The following ST8SIA4 variants were observed in gnomAD, a reference collection of about 807,000 sequenced individuals.
ST8SIA4 encodes CMP-N-acetylneuraminate-poly-alpha-2,8-sialyltransferase.
In ST8SIA4, 15 loss-of-function variants were observed where a neutral mutation model predicts 33.9. The ratio of observed to expected loss-of-function variants is 0.44; its 90% CI spans 0.30 to 0.68. The LOEUF (loss-of-function observed/expected upper bound fraction) is 0.68. Among genes scored for constraint, ST8SIA4 ranks in the 30% least tolerant of loss-of-function variants. The pLI is 0.10. For synonymous variants in ST8SIA4, 171 were observed against 151.2 expected, an observed-to-expected ratio of 1.13 and a Z score of -0.96; for missense variants, 321 against 428.0, an observed-to-expected ratio of 0.75 and a Z score of 2.21.
chr5:100,817,675 G>T (rs1750958114), intron 4 of ST8SIA4, among the ~76,000 whole-genome samples: 1 of 152,166 alleles, frequency 6.6e-6, no homozygotes, highest in Non-Finnish European at 1.5e-5. Context: ...TTAAGATTAT[G>T]AGATGGCTTG....
intron 3 of ST8SIA4, among the ~76,000 whole-genome samples, chr5:100,879,455 A>C (rs1281253138): frequency 1.3e-5 from 2 of 152,186 alleles, no homozygotes; most frequent in African/African-American, 2.4e-5. Context: ...AATATAAAGG[A>C]ATGTTTTACC....
At chr5:100,843,336 A>C (rs1751506952) in intron 4 of ST8SIA4, among the ~76,000 whole-genome samples, 1 of 151,860 alleles carries the variant, frequency 6.6e-6, no homozygotes, top group African/African-American at 2.4e-5. Flanking sequence ...TATTGTCTGA[A>C]ACAAAATCAG....
intron 3 of ST8SIA4, among the ~76,000 whole-genome samples, chr5:100,867,174 A>C (rs1406777459): frequency 6.6e-6 from 1 of 152,046 alleles, no homozygotes; most frequent in African/African-American, 2.4e-5. Flanking sequence ...TATTTGCCTG[A>C]GGAATGCAGG....
chr5:100,902,353 T>G (rs1424989108), intron 1 of ST8SIA4, among the ~76,000 whole-genome samples: 1 of 149,602 alleles, frequency 6.7e-6, no homozygotes, highest in Non-Finnish European at 1.5e-5. Context: ...CACATTAATC[T>G]ATCCAACGTC....
At chr5:100,896,902 A>G (rs1420732304) in intron 1 of ST8SIA4, among the ~76,000 whole-genome samples, 5 of 152,158 alleles carry the variant, frequency 3.3e-5, no homozygotes, top group African/African-American at 4.8e-5. Context: ...AACTTGGAAT[A>G]TCAGGTGATC....
At chr5:100,900,674 G>A (rs1450776278) in intron 1 of ST8SIA4, among the ~76,000 whole-genome samples, 1 of 150,796 alleles carries the variant, frequency 6.6e-6, no homozygotes, top group Non-Finnish European at 1.5e-5. Flanking sequence ...TTCGCGGCCA[G>A]CCCTCTGCCT....
At chr5:100,880,241 G>A (rs1191851232) in intron 3 of ST8SIA4, among the ~76,000 whole-genome samples, 1 of 152,110 alleles carries the variant, frequency 6.6e-6, no homozygotes, top group Non-Finnish European at 1.5e-5. Context: ...TGCAGGCAAA[G>A]CTTGCCTTGC....
intron 3 of ST8SIA4, among the ~76,000 whole-genome samples, chr5:100,874,564 T>C (rs1752265477): frequency 6.6e-6 from 1 of 151,958 alleles, no homozygotes; most frequent in Non-Finnish European, 1.5e-5. Context: ...TTTCTCTGCC[T>C]GTCATCTCTT....
chr5:100,897,240 T>A (rs1752798327), intron 1 of ST8SIA4, among the ~76,000 whole-genome samples: 1 of 152,132 alleles, frequency 6.6e-6, no homozygotes, highest in African/African-American at 2.4e-5. Context: ...CAAGCTAGTA[T>A]ATCATGTGGC....
At chr5:100,853,412 C>G (rs1457078411) in intron 4 of ST8SIA4, among the ~76,000 whole-genome samples, 2 of 152,178 alleles carry the variant, frequency 1.3e-5, no homozygotes, top group Non-Finnish European at 2.9e-5. Context: ...GTTTAGAACT[C>G]AATACCTTGA....
chr5:100,844,773 C>A (rs367593336), intron 4 of ST8SIA4, among the ~76,000 whole-genome samples: 2 of 151,830 alleles, frequency 1.3e-5, no homozygotes, highest in East Asian at 1.9e-4. Flanking sequence ...TTGTTAAAGC[C>A]ACTTTAAAAA....
intron 4 of ST8SIA4, among the ~76,000 whole-genome samples, chr5:100,824,390 T>G (rs973951634): frequency 1.3e-5 from 2 of 152,126 alleles, no homozygotes; most frequent in Non-Finnish European, 2.9e-5. Flanking sequence ...TTAAGAAACC[T>G]CACATTGTAT....
chr5:100,852,723 T>C (rs954139063), intron 4 of ST8SIA4, among the ~76,000 whole-genome samples: 23 of 152,108 alleles, frequency 1.5e-4, no homozygotes, highest in African/African-American at 5.3e-4. Context: ...TACCTAAGAG[T>C]ATCTGAATTT....
In ST8SIA4 at chr5:100,809,999, T is replaced by C. The variant is rs1052945764; in HGVS notation, c.*1848A>G. Reference sequence around the variant, plus strand: ...CACGTACTTCATGCTTTTTATTCATTTCTCAGACTGTTTTCCCTAAGAAAC... The same window carrying C: ...CACGTACTTCATGCTTTTTATTCATCTCTCAGACTGTTTTCCCTAAGAAAC... On this transcript the variant is annotated 3_prime_UTR_variant, in exon 5 of 5. Coordinates refer to ENST00000231461, the MANE Select transcript of ST8SIA4 (RefSeq NM_005668.6). The C allele has an allele frequency of 1.3e-5, 2 of 152,130 alleles. No homozygotes were observed. The highest frequency in any genetic ancestry group is 2.9e-5 in the Non-Finnish European group (2 of 67,996). The allele number at this position is 152,130 out of a possible 1,614,324, so 9.4% of individuals were successfully genotyped here.
At chr5:100,822,973 T>C (rs1220101927) in intron 4 of ST8SIA4, among the ~76,000 whole-genome samples, 2 of 151,696 alleles carry the variant, frequency 1.3e-5, no homozygotes, top group Non-Finnish European at 2.9e-5. Context: ...CTACTAAAAA[T>C]ACAAAAAAGT....
chr5:100,825,752 C>T (rs918749287), intron 4 of ST8SIA4, among the ~76,000 whole-genome samples: 1 of 152,050 alleles, frequency 6.6e-6, no homozygotes, highest in Non-Finnish European at 1.5e-5. Context: ...AATAAATGTA[C>T]CTTTTCTAGC....
intron 4 of ST8SIA4, chr5:100,816,676 A>G (rs573433497): frequency 5.3e-5 from 25 of 471,496 alleles, no homozygotes; most frequent in Non-Finnish European, 9.2e-5. Context: ...AACAGTTGTA[A>G]TTTAATGTTA....
intron 2 of ST8SIA4, among the ~76,000 whole-genome samples, chr5:100,895,389 A>T (rs532629625): frequency 1.3e-5 from 2 of 152,168 alleles, no homozygotes; most frequent in South Asian, 4.1e-4. Context: ...GTTAAATATC[A>T]GTACTCTGCT....
At chr5:100,825,387 T>C (rs185096436) in intron 4 of ST8SIA4, among the ~76,000 whole-genome samples, 96 of 152,280 alleles carry the variant, frequency 6.3e-4, no homozygotes, top group African/African-American at 2.2e-3. Context: ...ATCAGTGATG[T>C]TGAAATTAAG....
Sources: gnomAD v4.1 joint callset for allele counts (sites outside exome capture counted in the v4.1 genomes callset) on GRCh38, gnomAD v4.1.1 for gene constraint, MANE v1.5 for transcripts, NCBI Gene and HGNC (gene_info 2026-07-23, HGNC 2026-07-21) for gene names.